Variants in TMEM163 observed in about 807,000 individuals in gnomAD.
TMEM163 encodes transmembrane protein 163.
In TMEM163, 17 loss-of-function variants were observed where a neutral mutation model predicts 29.3. The ratio of observed to expected loss-of-function variants is 0.58; its 90% confidence interval spans 0.40 to 0.87. TMEM163 has a LOEUF of 0.87. TMEM163 is among the 40% of genes least tolerant of loss of function. The pLI is 0.00. For synonymous variants in TMEM163, 157 were observed against 160.6 expected, an observed-to-expected ratio of 0.98 and a Z score of 0.17; for missense variants, 303 against 381.5, an observed-to-expected ratio of 0.79 and a Z score of 1.71.
chr2:134,505,101 T>C (rs1043156732), intron 4 of TMEM163, among the ~76,000 whole-genome samples: 1 of 152,096 alleles, frequency 6.6e-6, no homozygotes, highest in Non-Finnish European at 1.5e-5. Flanking sequence ...AGTTTCGCAA[T>C]GTGGTCCTTC....
In TMEM163 at chr2:134,561,364, C is replaced by T. The variant is rs368455904; in HGVS notation, c.323-9273G>A. Among the ~76,000 whole-genome samples, 16 of 148,350 alleles carry T rather than the reference C, an allele frequency of 1.1e-4. No individual in the cohort carries two copies. The East Asian group carries it at 2.6e-3, about 24-fold the overall frequency. ...GACTACAGGCACCCACCACCACACC[C>T]GGCTAATTTTTTTGTATTTTTTTTT... is the stretch of plus-strand genomic sequence containing the variant. On this transcript the variant is annotated intron_variant, in intron 2 of 7. Coordinates refer to ENST00000281924, the MANE Select transcript of TMEM163 (RefSeq NM_030923.5).
rs77109685 is a variant in TMEM163, at chr2:134,682,981, G to A, written c.322+30219C>T. Among the ~76,000 whole-genome samples the A allele has an allele frequency of 6.0e-3, 907 of 152,266 alleles. 21 individuals are homozygous for A. The highest frequency in any genetic ancestry group is 0.036 in the Admixed American group (554 of 15,292). The stretch of plus-strand genomic sequence containing the variant: ...AGCCAGGAAAAGACACGGAGGAACC[G>A]TAAACGCATATTGCAAAGAGAAAGA... On this transcript the variant is annotated intron_variant, in intron 2 of 7. Coordinates refer to ENST00000281924, the MANE Select transcript of TMEM163 (RefSeq NM_030923.5).
At chr2:134,520,868 C>T (rs138692343) in intron 4 of TMEM163, among the ~76,000 whole-genome samples, 3 of 152,218 alleles carry the variant, frequency 2.0e-5, no homozygotes, top group Admixed American at 1.3e-4. Context: ...CTGTGAGGCT[C>T]ATAAAGAATT....
At chr2:134,580,638 G>A (rs886334876) in intron 2 of TMEM163, among the ~76,000 whole-genome samples, 26 of 152,298 alleles carry the variant, frequency 1.7e-4, no homozygotes, top group African/African-American at 5.8e-4. Context: ...GAGGCCGGGC[G>A]CAGTGGCTGC....
At chr2:134,661,925 CTTTCT>C (rs1203322417) in intron 2 of TMEM163, among the ~76,000 whole-genome samples, 2 of 79,064 alleles carry the variant, frequency 2.5e-5, no homozygotes, top group African/African-American at 1.2e-4. Flanking sequence ...CATTAATTTT[CTTTCT>C]TTTTTTTTTT....
At chr2:134,612,131 T>G (rs1682517133) in intron 2 of TMEM163, among the ~76,000 whole-genome samples, 1 of 152,192 alleles carries the variant, frequency 6.6e-6, no homozygotes, top group South Asian at 2.1e-4. Flanking sequence ...GTATTGCCAC[T>G]ATTTGACCTA....
At chr2:134,466,056 G>A (rs1686663072) in intron 6 of TMEM163, 58 bp downstream of exon 6, 1 of 1,277,998 alleles carries the variant, frequency 7.8e-7, no homozygotes, top group Middle Eastern at 2.0e-4. Flanking sequence ...GACCCAAACA[G>A]CATCTTCCTC....
chr2:134,575,044 TG>T (rs1307763879), intron 2 of TMEM163, among the ~76,000 whole-genome samples: 2 of 82,630 alleles, frequency 2.4e-5, no homozygotes, highest in African/African-American at 9.3e-5. Flanking sequence ...TGGGGCTCTG[TG>T]GGGGGGTGGG....
At chr2:134,632,880 C>T (rs1033660766) in intron 2 of TMEM163, among the ~76,000 whole-genome samples, 4 of 150,400 alleles carry the variant, frequency 2.7e-5, no homozygotes, top group Admixed American at 1.3e-4. Flanking sequence ...GTAGCTGGGA[C>T]GACAGGCACC....
At chr2:134,679,645 G>A (rs1684187716) in intron 2 of TMEM163, among the ~76,000 whole-genome samples, 1 of 152,178 alleles carries the variant, frequency 6.6e-6, no homozygotes. Flanking sequence ...CATTTTATTT[G>A]ATTCTTACAC....
intron 4 of TMEM163, among the ~76,000 whole-genome samples, chr2:134,509,825 G>T (rs1179230308): frequency 6.6e-6 from 1 of 152,250 alleles, no homozygotes; most frequent in Non-Finnish European, 1.5e-5. Context: ...AGGAAGAAAC[G>T]ATGGCTCTGT....
At chr2:134,512,196 G>T (rs1170046519) in intron 4 of TMEM163, among the ~76,000 whole-genome samples, 1 of 152,182 alleles carries the variant, frequency 6.6e-6, no homozygotes, top group Non-Finnish European at 1.5e-5. Flanking sequence ...AATGTCTCAT[G>T]CCTGTAATCT....
chr2:134,599,857 A>G (rs1682186423), intron 2 of TMEM163, among the ~76,000 whole-genome samples: 1 of 152,066 alleles, frequency 6.6e-6, no homozygotes, highest in African/African-American at 2.4e-5. Context: ...TTTCATTAAC[A>G]AAAAACACTT....
At chr2:134,704,627 T>A (rs1275277622) in intron 2 of TMEM163, among the ~76,000 whole-genome samples, 1 of 152,176 alleles carries the variant, frequency 6.6e-6, no homozygotes, top group Non-Finnish European at 1.5e-5. Context: ...CCGAGTCTAT[T>A]CCCCAGGGTA....
At chr2:134,473,393 G>A (rs1177732295) in intron 5 of TMEM163, among the ~76,000 whole-genome samples, 3 of 151,876 alleles carry the variant, frequency 2.0e-5, no homozygotes, top group Non-Finnish European at 4.4e-5. Flanking sequence ...AAATTAGCTG[G>A]GTGTGGTGCC....
At chr2:134,673,821 C>T (rs1352633044) in intron 2 of TMEM163, among the ~76,000 whole-genome samples, 1 of 152,222 alleles carries the variant, frequency 6.6e-6, no homozygotes, top group Non-Finnish European at 1.5e-5. Context: ...TAACTTTAGC[C>T]TACTGAGGCT....
intron 2 of TMEM163, among the ~76,000 whole-genome samples, chr2:134,703,862 AG>A (rs1323192162): frequency 7.9e-5 from 12 of 151,522 alleles, no homozygotes; most frequent in African/African-American, 2.7e-4. Context: ...AAAAAAAAAA[AG>A]ATCGAAAATA....
At chr2:134,458,319 G>T in intron 6 of TMEM163, 146 bp from the exon 7 acceptor site, 1 of 906,094 alleles carries the variant, frequency 1.1e-6, no homozygotes, top group Non-Finnish European at 1.7e-6. Context: ...CACCACCTGG[G>T]CCCATCAAGT....
At position 134,460,209 on chromosome 2, in the gene TMEM163, AG is replaced by A. The variant is rs1410755961; in HGVS notation, c.668-2037del. Among the ~76,000 whole-genome samples, 1 of 151,760 alleles carries A rather than the reference AG, an allele frequency of 6.6e-6. No individual in the cohort carries two copies. Among genetic ancestry groups the A allele is most frequent in the Non-Finnish European group, 1.5e-5 (1 of 67,934 alleles). Reference sequence around the variant, plus strand: ...CAGCAGCCAGACTCTCCCGCAGGAAAGCCCCCGTCACGGGCTCAAATCCCAC... The same window carrying A: ...CAGCAGCCAGACTCTCCCGCAGGAAACCCCCGTCACGGGCTCAAATCCCAC... On this transcript the variant is annotated intron_variant, in intron 6 of 7. Transcript: ENST00000281924. This position sits in a 1 kb window ranked among gnomAD's most constrained non-coding sequence, Gnocchi z 4.3.
Sources: gnomAD v4.1 joint callset for allele counts (sites outside exome capture counted in the v4.1 genomes callset) on GRCh38, gnomAD v4.1.1 for gene constraint, Gnocchi (gnomAD v3.1) non-coding constraint, MANE v1.5 for transcripts, NCBI Gene and HGNC (gene_info 2026-07-23, HGNC 2026-07-21) for gene names.